SPCS2: variants seen among roughly 807,000 people sequenced by gnomAD.
SPCS2 encodes the protein signal peptidase complex subunit 2, also known as SPase 25 kDa subunit.
In SPCS2, 3 loss-of-function variants were observed where a neutral mutation model predicts 22.3. The ratio of observed to expected loss-of-function variants is 0.13; its 90% CI spans 0.06 to 0.35. The LOEUF (loss-of-function observed/expected upper bound fraction) is 0.35, where lower values mean the gene tolerates loss of function less well. Ranked by LOEUF, SPCS2 falls within the 10% of genes least tolerant of loss-of-function variation. SPCS2 has a pLI of 1.00. For synonymous variants in SPCS2, 67 were observed against 97.2 expected (o/e 0.69, Z 1.83); for missense variants, 169 against 280.9 (o/e 0.60, Z 2.85).
intron 1 of SPCS2, among the ~76,000 whole-genome samples, chr11:74,950,970 A>G (rs1384075283): frequency 6.6e-6 from 1 of 152,218 alleles, no homozygotes; most frequent in African/African-American, 2.4e-5. Context: ...CCCTCTTGCT[A>G]GGTAAGCACC....
At chr11:74,966,851 C>T (rs1948549028) in intron 3 of SPCS2, among the ~76,000 whole-genome samples, 1 of 152,088 alleles carries the variant, frequency 6.6e-6, no homozygotes. Flanking sequence ...GCAGCGTCAG[C>T]CTCCTGGCTC....
At chr11:74,971,458 C>G (rs1668517814) in intron 4 of SPCS2, among the ~76,000 whole-genome samples, 1 of 152,210 alleles carries the variant, frequency 6.6e-6, no homozygotes, top group Non-Finnish European at 1.5e-5. Context: ...TACAATCTCA[C>G]TAGCAGTGTA....
Position 74,969,644 on chromosome 11 carries a change from G to T in SPCS2, c.439G>T (p.Asp147Tyr). The T allele has an allele frequency of 6.2e-7, 1 of 1,613,694 alleles. No homozygotes were observed. Among genetic ancestry groups the T allele is most frequent in the Non-Finnish European group, 8.5e-7 (1 of 1,179,650 alleles). The change falls in exon 4 of 5, where the codon GAT becomes TAT. Residue 147 changes from aspartate to tyrosine, a missense_variant. By Grantham distance (160) the Asp-to-Tyr change is radical. Transcript: ENST00000263672. Reference sequence around the variant, plus strand: ...CATCTTTCTCGTGGCCCACAGGAAAGATCCTACAGGAATGGATCCTGATGA... The same window carrying T: ...CATCTTTCTCGTGGCCCACAGGAAATATCCTACAGGAATGGATCCTGATGA... ...KSIFLVAHRKDPTGMDPDDIW... is the reference protein window; with the variant it reads ...KSIFLVAHRKYPTGMDPDDIW...
chr11:74,960,104 G>A (rs564073859), intron 1 of SPCS2, among the ~76,000 whole-genome samples: 3 of 152,260 alleles, frequency 2.0e-5, no homozygotes, highest in African/African-American at 7.2e-5. Context: ...GCTGAGGTAC[G>A]TGGATCACTT....
chr11:74,952,049 C>T (rs1948449878), intron 1 of SPCS2, among the ~76,000 whole-genome samples: 1 of 152,064 alleles, frequency 6.6e-6, no homozygotes, highest in African/African-American at 2.4e-5. Flanking sequence ...CCGTGGATTG[C>T]TTGAAGTAGA....
chr11:74,950,968 C>G (rs1296646924), intron 1 of SPCS2, among the ~76,000 whole-genome samples: 1 of 152,190 alleles, frequency 6.6e-6, no homozygotes, highest in African/African-American at 2.4e-5. Context: ...TTCCCTCTTG[C>G]TAGGTAAGCA....
At chr11:74,953,237 CAG>C (rs1183539061) in intron 1 of SPCS2, among the ~76,000 whole-genome samples, 4 of 149,138 alleles carry the variant, frequency 2.7e-5, no homozygotes, top group Non-Finnish European at 4.4e-5. Context: ...TTTTTTGAGA[CAG>C]AGTCTCGATT....
At chr11:74,970,807 T>C (rs931702239) in intron 4 of SPCS2, among the ~76,000 whole-genome samples, 1 of 152,244 alleles carries the variant, frequency 6.6e-6, no homozygotes, top group Non-Finnish European at 1.5e-5. Flanking sequence ...CCTAGCGGCA[T>C]TATAATTTCA....
chr11:74,964,908 C>T, intron 1 of SPCS2, 126 bp from the exon 2 acceptor site: 1 of 634,246 alleles, frequency 1.6e-6, no homozygotes, highest in Non-Finnish European at 2.6e-6. Context: ...TCTTTTAGTT[C>T]TGCAACATCA....
chr11:74,965,738 C>T, intron 2 of SPCS2, 25 bp from the exon 3 acceptor site: 1 of 1,595,260 alleles, frequency 6.3e-7, no homozygotes, highest in Non-Finnish European at 8.6e-7. Context: ...TTCCTATTAG[C>T]TTGATTCCTT....
chr11:74,950,615 C>T (rs887227738), intron 1 of SPCS2, among the ~76,000 whole-genome samples: 2 of 152,142 alleles, frequency 1.3e-5, no homozygotes, highest in African/African-American at 4.8e-5. Flanking sequence ...TAGCTCACTG[C>T]GGCCTTGAAC....
chr11:74,955,484 C>T (rs1038708314), intron 1 of SPCS2, among the ~76,000 whole-genome samples: 5 of 152,014 alleles, frequency 3.3e-5, no homozygotes, highest in African/African-American at 1.2e-4. Context: ...TATAGTATGA[C>T]TGCATTTGTA....
At chr11:74,966,448 AG>A (rs1355282440) in intron 3 of SPCS2, among the ~76,000 whole-genome samples, 1 of 152,248 alleles carries the variant, frequency 6.6e-6, no homozygotes, top group African/African-American at 2.4e-5. Flanking sequence ...TTGAAATCCA[AG>A]GTATCTGTGA....
At chr11:74,971,414 T>G (rs1288903562) in intron 4 of SPCS2, among the ~76,000 whole-genome samples, 3 of 152,264 alleles carry the variant, frequency 2.0e-5, no homozygotes, top group Non-Finnish European at 4.4e-5. Flanking sequence ...TTTGATGAAC[T>G]GCCAGACTGT....
intron 4 of SPCS2, among the ~76,000 whole-genome samples, chr11:74,975,647 A>T (rs528435037): frequency 6.6e-6 from 1 of 152,344 alleles, no homozygotes; most frequent in South Asian, 2.1e-4. Flanking sequence ...AAATATTTTG[A>T]GGTGTTGAAA....
intron 4 of SPCS2, among the ~76,000 whole-genome samples, chr11:74,970,019 C>G (rs1295203879): frequency 6.6e-6 from 1 of 152,230 alleles, no homozygotes; most frequent in African/African-American, 2.4e-5. Context: ...ATTCCATTAG[C>G]TTCTGTGTCT....
intron 1 of SPCS2, chr11:74,963,720 A>C (rs890153454): frequency 6.5e-6 from 2 of 308,308 alleles, no homozygotes; most frequent in African/African-American, 4.5e-5. Context: ...TATTTCTTAT[A>C]GGCATTATCT....
intron 1 of SPCS2, among the ~76,000 whole-genome samples, chr11:74,949,862 C>T (rs1359046645): frequency 2.0e-5 from 3 of 152,138 alleles, no homozygotes; most frequent in Non-Finnish European, 4.4e-5. Context: ...AGTTTTTAGG[C>T]GTTTTATCAT....
intron 1 of SPCS2, among the ~76,000 whole-genome samples, chr11:74,960,104 G>T (rs564073859): frequency 6.6e-6 from 1 of 152,142 alleles, no homozygotes; most frequent in Admixed American, 6.5e-5. Context: ...GCTGAGGTAC[G>T]TGGATCACTT....
Sources: allele counts gnomAD v4.1 joint callset (sites outside exome capture counted in the v4.1 genomes callset), GRCh38; gene constraint gnomAD v4.1.1; transcripts MANE v1.5; gene names NCBI Gene and HGNC (gene_info 2026-07-23, HGNC 2026-07-21).